The following TKT variants were observed in gnomAD, a reference collection of about 807,000 sequenced individuals.
TKT encodes the protein transketolase.
TKT carries 47 observed loss-of-function variants against 63.9 expected under a neutral mutation model. The ratio of observed to expected loss-of-function variants is 0.74; its 90% confidence interval spans 0.58 to 0.94. The LOEUF (loss-of-function observed/expected upper bound fraction) is 0.94. Ranked by LOEUF, TKT falls within the 40% of genes least tolerant of loss-of-function variation. The pLI, the probability that TKT is intolerant of heterozygous loss-of-function variation, is 0.00. For synonymous variants in TKT, 338 were observed against 334.1 expected, an observed-to-expected ratio of 1.01 and a Z score of -0.13; for missense variants, 721 against 846.2, an observed-to-expected ratio of 0.85 and a Z score of 1.84.
chr3:53,233,394 G>A lies in TKT; in HGVS notation c.630-120C>T, dbSNP rs938426421. 39 of 633,340 alleles carry A rather than the reference G, an allele frequency of 6.2e-5. No homozygotes were observed. In the Middle Eastern group the frequency reaches 1.2e-3, roughly 19 times the overall value. 39.2% of individuals were successfully genotyped at this position (633,340 alleles called of 1,614,324 possible). ...GCCCAGGCTCCACCCCACAACTGCGGCCTCAGCTGGAGTAGTAGAAAGCTT... is the reference window on the plus strand; with the variant it reads ...GCCCAGGCTCCACCCCACAACTGCGACCTCAGCTGGAGTAGTAGAAAGCTT... On this transcript the variant is annotated intron_variant, in intron 5 of 13. Coordinates refer to ENST00000462138, the MANE Select transcript of TKT (RefSeq NM_001064.4).
chr3:53,240,626 C>T (rs1705232661), intron 3 of TKT, among the ~76,000 whole-genome samples: 1 of 152,240 alleles, frequency 6.6e-6, no homozygotes. Context: ...ACCCACTTCA[C>T]AAAGTGCTGG....
intron 1 of TKT, chr3:53,243,681 C>T (rs1705384848): frequency 2.2e-6 from 1 of 453,380 alleles, no homozygotes; most frequent in Admixed American, 2.4e-5. Flanking sequence ...TGGCAGGGAC[C>T]CTAATCCCAC....
intron 4 of TKT, 52 bp from the exon 5 acceptor site, chr3:53,235,226 C>CGGGGGGGGGGGGGGGGG: frequency 6.7e-7 from 1 of 1,491,892 alleles, no homozygotes; most frequent in Non-Finnish European, 9.0e-7. Context: ...ACCCAGCTGG[C>CGGGGGGGGGGGGGGGGG]TCCCACCCCC....
chr3:53,243,513 GAGAAATCC>G (rs1553680348), intron 1 of TKT: 1 of 454,038 alleles, frequency 2.2e-6, no homozygotes, highest in Non-Finnish European at 4.4e-6. Context: ...GTTAGTAGTA[GAGAAATCC>G]AGAAAACTGT....
At position 53,231,506 on chromosome 3, in the gene TKT, T is replaced by G; in HGVS notation, c.793A>C (p.Asn265His). The change falls in exon 7 of 14, where the codon AAC becomes CAC. Residue 265 changes from asparagine (N) to histidine (H), a missense_variant. Transcript: ENST00000462138. ...TCCTGGATGATCTGCTCAGCCATGTTTTTGGGGAGGGGCTTCCCATGCCAA... is the reference window on the plus strand; with the variant it reads ...TCCTGGATGATCTGCTCAGCCATGTGTTTGGGGAGGGGCTTCCCATGCCAA... ...ESWHGKPLPK[N>H]MAEQIIQEIY... The G allele has an allele frequency of 6.2e-7, 1 of 1,614,102 alleles. No individual in the cohort carries two copies. The highest frequency in any genetic ancestry group is 1.1e-5 in the South Asian group (1 of 91,080).
intron 12 of TKT, chr3:53,227,419 T>C (rs1003048403): frequency 7.5e-5 from 12 of 159,846 alleles, no homozygotes; most frequent in African/African-American, 7.2e-5. Flanking sequence ...TGCTCCTGCC[T>C]GACCCTCCTC....
intron 6 of TKT, chr3:53,231,798 G>A: frequency 1.9e-6 from 1 of 521,878 alleles, no homozygotes; most frequent in Non-Finnish European, 3.4e-6. Flanking sequence ...AGCTGAGTGG[G>A]AAAGGAGGGG....
chr3:53,229,561 A>G, intron 8 of TKT, 125 bp from the exon 9 acceptor site: 1 of 1,103,146 alleles, frequency 9.1e-7, no homozygotes, highest in East Asian at 2.6e-5. Flanking sequence ...TGGGCTTCTG[A>G]ATATGTCCCC....
intron 6 of TKT, chr3:53,232,232 G>C: frequency 2.5e-6 from 1 of 397,986 alleles, no homozygotes; most frequent in Non-Finnish European, 4.4e-6. Flanking sequence ...AGCTGCAAGT[G>C]GTCCAGATCC....
chr3:53,240,275 G>A lies in TKT; in HGVS notation c.413C>T (p.Thr138Ile). The stretch of plus-strand genomic sequence containing the variant: ...CCTGGCCTTGTCGAAGTATTTGCCG[G>A]TGTAGGCCATCCCACAAGCGGCCCC... The part of the protein sequence containing the change: ...GLGAACGMAY[T>I]GKYFDKASYR... Residue 138 changes from threonine to isoleucine, a missense_variant, in exon 4 of 14, where the codon ACC (threonine) becomes ATC (isoleucine). Coordinates refer to ENST00000462138, the MANE Select transcript of TKT (RefSeq NM_001064.4). The A allele has an allele frequency of 6.2e-7, 1 of 1,613,458 alleles. No homozygotes were observed. The highest frequency in any genetic ancestry group is 8.5e-7 in the Non-Finnish European group (1 of 1,179,560).
intron 6 of TKT, chr3:53,231,947 G>C (rs377578703): frequency 7.7e-6 from 2 of 260,650 alleles, no homozygotes; most frequent in Non-Finnish European, 1.5e-5. Flanking sequence ...TCAGTTTGTC[G>C]ACTGGGTTGG....
intron 1 of TKT, among the ~76,000 whole-genome samples, chr3:53,244,500 G>A (rs1460940362): frequency 1.3e-5 from 2 of 152,206 alleles, no homozygotes; most frequent in Non-Finnish European, 2.9e-5. Context: ...CTTATCTACA[G>A]GCAGGGATGG....
At chr3:53,233,001 T>A in intron 6 of TKT, 155 bp downstream of exon 6, 2 of 640,304 alleles carry the variant, frequency 3.1e-6, no homozygotes, top group Non-Finnish European at 5.4e-6. Context: ...GCCACAGGGG[T>A]CACTGAGTCA....
intron 6 of TKT, 87 bp downstream of exon 6, chr3:53,233,069 G>GT (rs1704840154): frequency 1.7e-6 from 2 of 1,172,916 alleles, no homozygotes; most frequent in South Asian, 1.4e-5. Context: ...AGCAAGGGCT[G>GT]TTTCCCTGGA....
rs1255453415 is a variant in TKT, at chr3:53,255,802, C to CG, written c.107+33dup. On this transcript the variant is annotated intron_variant, in intron 1 of 13. Coordinates refer to ENST00000462138, the MANE Select transcript of TKT (RefSeq NM_001064.4). ...CGCCGCAGACGCCCCCCGCCCCGCCCGAGCCGCGTCCCCGGCCGGCGCCGC... is the reference window on the plus strand; with the variant it reads ...CGCCGCAGACGCCCCCCGCCCCGCCCGGAGCCGCGTCCCCGGCCGGCGCCGC... The CG allele has an allele frequency of 2.8e-6, 4 of 1,410,568 alleles. No homozygotes were observed. In the Admixed American group the frequency reaches 1.1e-4, roughly 39 times the overall value. 87.4% of individuals were successfully genotyped at this position (1,410,568 alleles called of 1,614,324 possible).
intron 10 of TKT, chr3:53,228,791 G>T: frequency 1.5e-6 from 1 of 671,590 alleles, no homozygotes; most frequent in Non-Finnish European, 2.5e-6. Flanking sequence ...TCTCAGCAGA[G>T]ACAGACTGGC....
chr3:53,240,709 G>A (rs1396783063), intron 3 of TKT, among the ~76,000 whole-genome samples: 2 of 152,318 alleles, frequency 1.3e-5, no homozygotes, highest in East Asian at 3.9e-4. Context: ...CAGTTTTTGT[G>A]GTAATCCATG....
rs1553676312 is a variant in TKT, at chr3:53,229,147, G to A, written c.1265-10C>T. 1.9e-6 allele frequency: 3 copies of A among 1,614,036 alleles called. No individual in the cohort carries two copies. Among genetic ancestry groups the A allele is most frequent in the South Asian group, 2.2e-5 (2 of 91,082 alleles). ...GAGGGCCCGTCTTCCCCTGGGGTGTGGGGGAAAGGATATGCAGAAATAAGA... is the reference window on the plus strand; with the variant it reads ...GAGGGCCCGTCTTCCCCTGGGGTGTAGGGGAAAGGATATGCAGAAATAAGA... On this transcript the variant is annotated splice_polypyrimidine_tract_variant and intron_variant, in intron 9 of 13. Coordinates refer to ENST00000462138, the MANE Select transcript of TKT (RefSeq NM_001064.4).
chr3:53,247,050 C>T (rs1305116871), intron 1 of TKT, among the ~76,000 whole-genome samples: 2 of 149,638 alleles, frequency 1.3e-5, no homozygotes, highest in African/African-American at 5.0e-5. Flanking sequence ...TTATCTTCTT[C>T]TTTATGCATA....
Sources: allele counts gnomAD v4.1 joint callset (sites outside exome capture counted in the v4.1 genomes callset), GRCh38; gene constraint gnomAD v4.1.1; transcripts MANE v1.5; gene names NCBI Gene and HGNC (gene_info 2026-07-23, HGNC 2026-07-21).